IGFL3: variants seen among roughly 807,000 people sequenced by gnomAD.
IGFL3 encodes insulin growth factor-like family member 3.
In IGFL3, 12 loss-of-function variants were observed where a neutral mutation model predicts 17.0. The ratio of observed to expected loss-of-function variants is 0.71; its 90% CI spans 0.45 to 1.14. IGFL3 has a LOEUF of 1.14. IGFL3 is among the 50% of genes most tolerant of loss of function. The pLI is 0.00. For missense variants in IGFL3, 153 were observed against 151.6 expected (o/e 1.01, Z -0.05); for synonymous variants, 52 against 57.4 (o/e 0.91, Z 0.42).
At chr19:46,124,395 A>T in intron 1 of IGFL3, 74 bp from the exon 2 acceptor site, 2 of 1,474,144 alleles carry the variant, frequency 1.4e-6, no homozygotes, top group Non-Finnish European at 1.9e-6. Flanking sequence ...ACAAACAAAC[A>T]AACAGAGGTT....
At chr19:46,123,388 C>T (rs1233420926) in intron 3 of IGFL3, among the ~76,000 whole-genome samples, 1 of 150,822 alleles carries the variant, frequency 6.6e-6, no homozygotes, top group Non-Finnish European at 1.5e-5. Flanking sequence ...GAATCATGGA[C>T]ACTTCATACA....
Position 46,124,249 on chromosome 19 carries a change from T to C in IGFL3, c.79+19A>G, listed in dbSNP as rs1199700986. On this transcript the variant is annotated intron_variant, in intron 2 of 3. Transcript: ENST00000341415. ...AACACCACCTCTTCCCTCCTCATTT[T>C]TCCCTGTCCTGTCCTTACCTGTAGT... The C allele has an allele frequency of 6.2e-7, 1 of 1,609,942 alleles. No individual in the cohort carries two copies. Among genetic ancestry groups the C allele is most frequent in the Non-Finnish European group, 8.5e-7 (1 of 1,178,504 alleles).
intron 1 of IGFL3, 62 bp from the exon 2 acceptor site, chr19:46,124,383 A>C: frequency 1.3e-6 from 2 of 1,494,022 alleles, no homozygotes; most frequent in Non-Finnish European, 1.9e-6. Context: ...TGGAAAAAAC[A>C]AACAAACAAA....
chr19:46,124,465 G>C, intron 1 of IGFL3, 144 bp from the exon 2 acceptor site: 1 of 1,150,966 alleles, frequency 8.7e-7, no homozygotes. Context: ...ATCCCGTTCA[G>C]GCAGGCCCTG....
At chr19:46,121,901 CA>C (rs886371224) in intron 3 of IGFL3, among the ~76,000 whole-genome samples, 2 of 150,800 alleles carry the variant, frequency 1.3e-5, no homozygotes, top group African/African-American at 4.9e-5. Flanking sequence ...AGCTGATTTG[CA>C]TATTTCTTTT....
intron 1 of IGFL3, 143 bp from the exon 2 acceptor site, chr19:46,124,464 A>G (rs753589606): frequency 8.7e-7 from 1 of 1,151,166 alleles, no homozygotes; most frequent in Non-Finnish European, 1.3e-6. Context: ...GATCCCGTTC[A>G]GGCAGGCCCT....
chr19:46,122,130 A>G (rs1434099786), intron 3 of IGFL3, among the ~76,000 whole-genome samples: 1 of 150,744 alleles, frequency 6.6e-6, no homozygotes, highest in Admixed American at 6.6e-5. Context: ...TTCCAAGACA[A>G]TTTGGTTGAA....
At chr19:46,121,499 C>T (rs529525739) in intron 3 of IGFL3, among the ~76,000 whole-genome samples, 2 of 150,256 alleles carry the variant, frequency 1.3e-5, no homozygotes, top group African/African-American at 2.5e-5. Flanking sequence ...TGCATCTCAA[C>T]AGCCCACTGA....
chr19:46,122,884 G>C (rs1971853162), intron 3 of IGFL3, among the ~76,000 whole-genome samples: 1 of 150,804 alleles, frequency 6.6e-6, no homozygotes, highest in African/African-American at 2.5e-5. Flanking sequence ...TAGTCTACTT[G>C]ATTAAAATGT....
At position 46,123,562 on chromosome 19, in the gene IGFL3, T is replaced by A. The variant is rs548132617; in HGVS notation, c.350+324A>T. 2.0e-5 allele frequency among the ~76,000 whole-genome samples: 3 copies of A among 150,838 alleles called. No individual in the cohort carries two copies. The South Asian group carries it at 6.3e-4, about 32-fold the overall frequency. ...CTTCTTCAGAGAAGCAAAACATCTT[T>A]GTCTTCCTGACACTGGATTATTTAG... On this transcript the variant is annotated intron_variant, in intron 3 of 3. Coordinates refer to ENST00000341415, the MANE Select transcript of IGFL3 (RefSeq NM_207393.2).
At chr19:46,123,776 CCTGA>C in intron 3 of IGFL3, 106 bp downstream of exon 3, 1 of 1,253,280 alleles carries the variant, frequency 8.0e-7, no homozygotes, top group South Asian at 1.5e-5. Context: ...CTGCCACCAG[CCTGA>C]CTCTTTTGCC....
chr19:46,123,917 G>A lies in IGFL3; in HGVS notation c.319C>T (p.His107Tyr). The A allele has an allele frequency of 6.2e-7, 1 of 1,611,224 alleles. No individual in the cohort carries two copies. The highest frequency in any genetic ancestry group is 8.5e-7 in the Non-Finnish European group (1 of 1,179,576). ...CAGCTCCGGGAGATGGGAGATAAGTGACACTGAGACTTCATACCCAGAACC... is the reference window on the plus strand; with the variant it reads ...CAGCTCCGGGAGATGGGAGATAAGTAACACTGAGACTTCATACCCAGAACC... ...LRVLGMKSQCHLSPISRSCTR... is the reference protein window; with the variant it reads ...LRVLGMKSQCYLSPISRSCTR... The change falls in exon 3 of 4, where the codon CAC becomes TAC. Residue 107 changes from histidine (H) to tyrosine (Y), a missense_variant. Transcript: ENST00000341415.
In IGFL3 at chr19:46,121,625, C is replaced by T. The variant is rs117202969; in HGVS notation, c.351-1268G>A. On this transcript the variant is annotated intron_variant, in intron 3 of 3. Transcript: ENST00000341415. ...CCAGAGATAAAACAACGGTGTCGCA[C>T]GTGACGACTATCTGAGGTTAGTGTC... 3.3e-5 allele frequency among the ~76,000 whole-genome samples: 5 copies of T among 150,390 alleles called. 1 individual carries two copies. The highest frequency in any genetic ancestry group is 7.4e-5 in the Non-Finnish European group (5 of 67,898).
In IGFL3 at chr19:46,124,297, A is replaced by G. The variant is rs1253770855; in HGVS notation, c.50T>C (p.Phe17Ser). 3.1e-6 allele frequency: 5 copies of G among 1,610,762 alleles called. No individual in the cohort carries two copies. The highest frequency in any genetic ancestry group is 1.7e-5 in the Admixed American group (1 of 59,668). ...AGTTCCTTTTGAACACTGGAGGAGGAAGACTGTTATCCAGCAGACAAGAGC... is the reference window on the plus strand; with the variant it reads ...AGTTCCTTTTGAACACTGGAGGAGGGAGACTGTTATCCAGCAGACAAGAGC... ...ILALVCWITV[F>S]LLQCSKGTTD... Residue 17 changes from phenylalanine (F) to serine (S), a missense_variant, in exon 2 of 4, where the codon TTC becomes TCC. Transcript: ENST00000341415.
At position 46,120,372 on chromosome 19, in the gene IGFL3, C is replaced by T. The variant is rs927794826; in HGVS notation, c.351-15G>A. 9 of 1,610,474 alleles carry T rather than the reference C, an allele frequency of 5.6e-6. No individual in the cohort carries two copies. The highest frequency in any genetic ancestry group is 7.6e-6 in the Non-Finnish European group (9 of 1,179,462). On this transcript the variant is annotated splice_polypyrimidine_tract_variant and intron_variant, in intron 3 of 3. Coordinates refer to ENST00000341415, the MANE Select transcript of IGFL3 (RefSeq NM_207393.2). ...GCCTCCTGTTCCTATCACAGTGCCC[C>T]AAATCAAAGTGTCTTAACAACATAT...
rs771748649 is a variant in IGFL3 at position 46,124,104 on chromosome 19, C to G, written c.132G>C (p.Gly44=). Residue 44 remains glycine (G), a synonymous_variant, in exon 3 of 4, where the codon GGG becomes GGC. Coordinates refer to ENST00000341415, the MANE Select transcript of IGFL3 (RefSeq NM_207393.2). ...GCTCTGAAGGGTTGTAGATCTTGTTCCCACACCTGGGTGTCGGCTGGCACA... is the reference window on the plus strand; with the variant it reads ...GCTCTGAAGGGTTGTAGATCTTGTTGCCACACCTGGGTGTCGGCTGGCACA... ...LWLCQPTPRC[G]NKIYNPSEQC... 1.9e-6 allele frequency: 3 copies of G among 1,610,998 alleles called. No individual in the cohort carries two copies. The South Asian group carries it at 3.3e-5, about 18-fold the overall frequency.
Position 46,124,663 on chromosome 19 carries a change from C to T in IGFL3, c.-14G>A, listed in dbSNP as rs1038790222. 10 of 1,607,242 alleles carry T rather than the reference C, an allele frequency of 6.2e-6. No individual in the cohort carries two copies. Among genetic ancestry groups the T allele is most frequent in the East Asian group, 2.3e-5 (1 of 44,374 alleles). On this transcript the variant is annotated 5_prime_UTR_variant, in exon 1 of 4. Coordinates refer to ENST00000341415, the MANE Select transcript of IGFL3 (RefSeq NM_207393.2). ...TCGTGGCCTCATGCTTCCAAAGATG[C>T]TCTAGGAGAATTGAAGAAGAGTGGT...
At position 46,120,278 on chromosome 19, in the gene IGFL3, T is replaced by C; in HGVS notation, c.*52A>G. The C allele has an allele frequency of 1.2e-6, 2 of 1,608,804 alleles. No homozygotes were observed. Among genetic ancestry groups the C allele is most frequent in the Admixed American group, 1.7e-5 (1 of 59,328 alleles). ...TCAACTGTAGTCTCCGATGTCCAGC[T>C]GCTTCGTCTCTTCTCCCCTTGTCTG... On this transcript the variant is annotated 3_prime_UTR_variant, in exon 4 of 4. Transcript: ENST00000341415.
Position 46,122,775 on chromosome 19 carries a change from A to G in IGFL3, c.350+1111T>C, listed in dbSNP as rs565559830. On this transcript the variant is annotated intron_variant, in intron 3 of 3. Transcript: ENST00000341415. ...ATTACCTCTTAAAACCCCCAACAGAATAAAGTCTTAGCAAACACAAATTTT... is the reference window on the plus strand; with the variant it reads ...ATTACCTCTTAAAACCCCCAACAGAGTAAAGTCTTAGCAAACACAAATTTT... 1.3e-4 allele frequency among the ~76,000 whole-genome samples: 19 copies of G among 151,054 alleles called. 1 individual carries two copies. The highest frequency in any genetic ancestry group is 3.4e-4 in the African/African-American group (14 of 40,744).
Sources: gnomAD v4.1 joint callset for allele counts (sites outside exome capture counted in the v4.1 genomes callset) on GRCh38, gnomAD v4.1.1 for gene constraint, MANE v1.5 for transcripts, NCBI Gene and HGNC (gene_info 2026-07-23, HGNC 2026-07-21) for gene names.